ETS1: variants seen among roughly 807,000 people sequenced by gnomAD.
ETS1 encodes protein C-ets-1.
ETS1 carries 15 observed loss-of-function variants against 58.6 expected under a neutral mutation model. The observed-to-expected ratio is 0.26, with a 90% CI of 0.17 to 0.39. ETS1 has a LOEUF of 0.39. ETS1 is among the 10% of genes least tolerant of loss of function. ETS1 has a pLI of 1.00. For synonymous variants in ETS1, 214 were observed against 218.2 expected, an observed-to-expected ratio of 0.98 and a Z score of 0.17; for missense variants, 417 against 610.5, an observed-to-expected ratio of 0.68 and a Z score of 3.34.
chr11:128,512,650 C>T lies in ETS1; in HGVS notation c.215-22074G>A, dbSNP rs191331490. On this transcript the variant is annotated intron_variant, in intron 3 of 9. Coordinates refer to ENST00000392668, the MANE Select transcript of ETS1 (RefSeq NM_001143820.2). ...CAGCGTGTGTCCAGTGAAGGATCAG[C>T]CGGTGGCCACCTAGACACCATTCTG... Among the ~76,000 whole-genome samples, 181 of 152,366 alleles carry T rather than the reference C, an allele frequency of 1.2e-3. 2 individuals are homozygous for T. Among genetic ancestry groups the T allele is most frequent in the Non-Finnish European group, 1.2e-3 (82 of 68,032 alleles).
At chr11:128,565,530 G>A (rs187595396) in intron 2 of ETS1, among the ~76,000 whole-genome samples, 3 of 152,146 alleles carry the variant, frequency 2.0e-5, no homozygotes, top group Non-Finnish European at 2.9e-5. Context: ...CTTAGGATCT[G>A]AATTTCCTGA....
At chr11:128,583,701 A>T (rs1864920403) in intron 1 of ETS1, among the ~76,000 whole-genome samples, 1 of 152,138 alleles carries the variant, frequency 6.6e-6, no homozygotes, top group Non-Finnish European at 1.5e-5. Context: ...GGAGTTTTCT[A>T]CCTTTCCACA....
intron 3 of ETS1, among the ~76,000 whole-genome samples, chr11:128,494,776 G>A (rs1179244300): frequency 6.6e-6 from 1 of 152,170 alleles, no homozygotes; most frequent in East Asian, 1.9e-4. Context: ...CTGACCTCAC[G>A]AGTTTATGCT....
At chr11:128,546,853 C>G (rs1028454787) in intron 3 of ETS1, among the ~76,000 whole-genome samples, 2 of 152,118 alleles carry the variant, frequency 1.3e-5, no homozygotes, top group African/African-American at 4.8e-5. Flanking sequence ...CTACTGTGCA[C>G]TAGAAAGGCC....
At chr11:128,555,396 C>G (rs890074446) in intron 3 of ETS1, among the ~76,000 whole-genome samples, 1 of 152,176 alleles carries the variant, frequency 6.6e-6, no homozygotes, top group East Asian at 1.9e-4. Flanking sequence ...CCCTGCCATG[C>G]CCTGCCCAGG....
At chr11:128,584,977 A>AGAAAGAAAGAAAGAAAGAAAGAAAG (rs1555092866) in intron 1 of ETS1, among the ~76,000 whole-genome samples, 387 of 18,378 alleles carry the variant, frequency 0.021, 35 homozygotes, top group Non-Finnish European at 0.027. Flanking sequence ...AAAGAAAGAA[A>AGAAAGAAAGAAAGAAAGAAAGAAAG]GAAAGAAAGA....
intron 3 of ETS1, among the ~76,000 whole-genome samples, chr11:128,539,838 A>G (rs886790465): frequency 3.3e-5 from 5 of 152,220 alleles, no homozygotes; most frequent in Non-Finnish European, 5.9e-5. Flanking sequence ...AAACTTGAAA[A>G]CATTATGCTT....
chr11:128,567,205 C>A (rs1463814384), intron 2 of ETS1, among the ~76,000 whole-genome samples: 1 of 152,134 alleles, frequency 6.6e-6, no homozygotes, highest in African/African-American at 2.4e-5. Flanking sequence ...TTCAGCTGAC[C>A]CCCCAGGTAC....
intron 3 of ETS1, chr11:128,521,851 TCCAGGGGA>T: frequency 4.9e-6 from 7 of 1,419,838 alleles, no homozygotes; most frequent in Non-Finnish European, 6.8e-6. Context: ...GGGGAAGAAG[TCCAGGGGA>T]CCCCCGGCCT....
At chr11:128,510,532 T>C (rs1863363899) in intron 3 of ETS1, among the ~76,000 whole-genome samples, 1 of 152,068 alleles carries the variant, frequency 6.6e-6, no homozygotes, top group African/African-American at 2.4e-5. Context: ...AAACTATTGG[T>C]ACATGGAGGG....
chr11:128,525,619 GAAAAA>G (rs10554000), intron 3 of ETS1, among the ~76,000 whole-genome samples: 69 of 75,828 alleles, frequency 9.1e-4, no homozygotes, highest in Non-Finnish European at 1.4e-3. Flanking sequence ...GTAAGATTTA[GAAAAA>G]AAAAAAAAAA....
At chr11:128,585,735 C>A (rs756158728) in intron 1 of ETS1, among the ~76,000 whole-genome samples, 1 of 152,116 alleles carries the variant, frequency 6.6e-6, no homozygotes. Context: ...GTAAACCAGG[C>A]GGGGCGCAAA....
intron 3 of ETS1, chr11:128,527,321 G>A (rs1198558129): frequency 2.6e-5 from 5 of 191,762 alleles, no homozygotes; most frequent in Non-Finnish European, 5.5e-5. Flanking sequence ...ATGTGGGGTG[G>A]ATTGGCCTAA....
intron 8 of ETS1, among the ~76,000 whole-genome samples, chr11:128,477,045 G>A (rs1435254611): frequency 3.3e-5 from 5 of 152,342 alleles, no homozygotes; most frequent in East Asian, 1.9e-4. Context: ...ACTGGCTTCC[G>A]CACTTACAGT....
Position 128,585,193 on chromosome 11 carries a change from GGAA to G in ETS1, c.-15+2292_-15+2294del, listed in dbSNP as rs1864997803. 4.5e-4 allele frequency among the ~76,000 whole-genome samples: 7 copies of G among 15,688 alleles called. 2 individuals are homozygous for G. Among genetic ancestry groups the G allele is most frequent in the African/African-American group, 3.2e-3 (7 of 2,192 alleles). The allele number at this position is 15,688 out of a possible 152,430, so 10.3% of individuals were successfully genotyped here. ...GAGAAAGAAAGAAAGAAAGAAGGAA[GGAA>G]AGAAAGAAAGAAAGAAAGAAAGAAA... On this transcript the variant is annotated intron_variant, in intron 1 of 9. Transcript: ENST00000392668.
At chr11:128,558,482 T>C (rs1205118762) in intron 2 of ETS1, among the ~76,000 whole-genome samples, 1 of 151,946 alleles carries the variant, frequency 6.6e-6, no homozygotes, top group Non-Finnish European at 1.5e-5. Context: ...CTGTCTCTAC[T>C]AAAAATACAA....
chr11:128,471,003 T>C (rs1862173176), intron 8 of ETS1, among the ~76,000 whole-genome samples: 1 of 152,230 alleles, frequency 6.6e-6, no homozygotes, highest in Admixed American at 6.5e-5. Context: ...TGGCCACAGA[T>C]GGACTTAGAT....
chr11:128,482,772 T>C (rs1393995125), intron 7 of ETS1, among the ~76,000 whole-genome samples: 1 of 152,156 alleles, frequency 6.6e-6, no homozygotes, highest in African/African-American at 2.4e-5. Flanking sequence ...TTCTCTAAAC[T>C]GTCCACTAGC....
intron 6 of ETS1, 118 bp downstream of exon 6, chr11:128,485,951 A>G (rs1268256700): frequency 1.5e-6 from 1 of 673,720 alleles, no homozygotes; most frequent in Non-Finnish European, 2.7e-6. Context: ...AAGAGTCTAC[A>G]TCTAAGAAGA....
Sources: allele counts gnomAD v4.1 joint callset (sites outside exome capture counted in the v4.1 genomes callset), GRCh38; gene constraint gnomAD v4.1.1; transcripts MANE v1.5; gene names NCBI Gene and HGNC (gene_info 2026-07-23, HGNC 2026-07-21).